GRID2: variants seen among roughly 807,000 people sequenced by gnomAD.
GRID2 encodes glutamate ionotropic receptor delta type subunit 2, also known as glutamate receptor ionotropic, delta-2.
A neutral mutation model predicts 114.8 loss-of-function variants in GRID2; 33 were observed. The ratio of observed to expected loss-of-function variants is 0.29; its 90% CI spans 0.22 to 0.38. The LOEUF (loss-of-function observed/expected upper bound fraction) is 0.38, where lower values mean the gene tolerates loss of function less well. Ranked by LOEUF, GRID2 falls within the 10% of genes least tolerant of loss-of-function variation. The pLI, the probability that GRID2 is intolerant of heterozygous loss-of-function variation, is 1.00. For missense variants in GRID2, 1,184 were observed against 1,257.7 expected, an observed-to-expected ratio of 0.94 and a Z score of 0.89; for synonymous variants, 505 against 449.9, an observed-to-expected ratio of 1.12 and a Z score of -1.55.
chr4:92,779,185 AAT>A (rs1738947253), intron 2 of GRID2, among the ~76,000 whole-genome samples: 2 of 118,506 alleles, frequency 1.7e-5, no homozygotes, highest in Non-Finnish European at 3.4e-5. Flanking sequence ...GTAGTAAGTA[AAT>A]GTGTGTGTGT....
intron 14 of GRID2, among the ~76,000 whole-genome samples, chr4:93,706,329 A>G (rs1274326777): frequency 6.6e-6 from 1 of 152,004 alleles, no homozygotes; most frequent in Non-Finnish European, 1.5e-5. Context: ...ATGTCTTTCC[A>G]TTTTTTTACA....
rs542306416 is a variant in GRID2 at position 93,557,649 on chromosome 4, A to G, written c.2193+42238A>G. Among the ~76,000 whole-genome samples the G allele has an allele frequency of 1.2e-4, 18 of 152,350 alleles. 1 individual carries two copies. The highest frequency in any genetic ancestry group is 1.2e-3 in the Admixed American group (18 of 15,308). On this transcript the variant is annotated intron_variant, in intron 13 of 15. Transcript: ENST00000282020. The stretch of plus-strand genomic sequence containing the variant: ...CACACAATAATATTGGGAGACTTTA[A>G]CACCCCACTGTCAGTATTAGACACA...
At chr4:93,074,050 A>C (rs959147528) in intron 2 of GRID2, among the ~76,000 whole-genome samples, 4 of 152,240 alleles carry the variant, frequency 2.6e-5, no homozygotes, top group Non-Finnish European at 4.4e-5. Context: ...AACCTGAGGG[A>C]GAAAAAGAAA....
chr4:93,183,258 C>T (rs1329389779), intron 4 of GRID2, among the ~76,000 whole-genome samples: 1 of 152,044 alleles, frequency 6.6e-6, no homozygotes, highest in Non-Finnish European at 1.5e-5. Flanking sequence ...TCTAACTTCA[C>T]AAAATGTTTG....
At chr4:93,164,056 C>T (rs547811667) in intron 4 of GRID2, among the ~76,000 whole-genome samples, 1 of 152,002 alleles carries the variant, frequency 6.6e-6, no homozygotes, top group East Asian at 1.9e-4. Flanking sequence ...GTTCATCACA[C>T]GTGAACTTGG....
At chr4:92,557,665 A>G (rs1398500107) in intron 1 of GRID2, among the ~76,000 whole-genome samples, 3 of 149,446 alleles carry the variant, frequency 2.0e-5, no homozygotes. Flanking sequence ...ATATATAACC[A>G]AACTGTCGAT....
intron 4 of GRID2, among the ~76,000 whole-genome samples, chr4:93,172,695 C>G (rs372115872): frequency 4.6e-5 from 7 of 151,986 alleles, no homozygotes; most frequent in Admixed American, 1.3e-4. Context: ...TGGGTTGATT[C>G]CAAAACAACT....
chr4:93,139,735 A>AACACACAC (rs70942952), intron 4 of GRID2, among the ~76,000 whole-genome samples: 9 of 147,896 alleles, frequency 6.1e-5, no homozygotes, highest in African/African-American at 2.0e-4. Context: ...GTACTTTTGA[A>AACACACAC]ACACACACAC....
At chr4:93,034,986 G>A (rs985391647) in intron 2 of GRID2, among the ~76,000 whole-genome samples, 1 of 151,882 alleles carries the variant, frequency 6.6e-6, no homozygotes. Flanking sequence ...TCCAGTACAC[G>A]ACTACATTAA....
intron 15 of GRID2, 24 bp downstream of exon 15, chr4:93,769,474 C>G (rs981967106): frequency 9.9e-6 from 16 of 1,611,458 alleles, no homozygotes; most frequent in Non-Finnish European, 1.7e-6. Flanking sequence ...AGATTTGGCT[C>G]TAAATTGAAT....
At chr4:92,706,475 A>C (rs937259054) in intron 2 of GRID2, among the ~76,000 whole-genome samples, 1 of 152,126 alleles carries the variant, frequency 6.6e-6, no homozygotes, top group Admixed American at 6.6e-5. Context: ...ATCCAAATGT[A>C]TGAGTCACAC....
At chr4:93,581,993 T>C (rs964334931) in intron 13 of GRID2, among the ~76,000 whole-genome samples, 12 of 152,214 alleles carry the variant, frequency 7.9e-5, no homozygotes, top group African/African-American at 2.9e-4. Flanking sequence ...TCTCTGCATA[T>C]TTTGTGCTCC....
intron 2 of GRID2, among the ~76,000 whole-genome samples, chr4:92,652,823 A>G (rs1312562407): frequency 7.2e-6 from 1 of 139,250 alleles, no homozygotes; most frequent in Non-Finnish European, 1.5e-5. Context: ...ATATATATAT[A>G]AATATATATA....
chr4:92,653,389 G>A (rs1003742399), intron 2 of GRID2, among the ~76,000 whole-genome samples: 47 of 150,668 alleles, frequency 3.1e-4, no homozygotes, highest in African/African-American at 9.5e-4. Context: ...GAGAAATTTC[G>A]GTTACATACA....
intron 1 of GRID2, among the ~76,000 whole-genome samples, chr4:92,541,675 A>C (rs1253324491): frequency 1.3e-5 from 2 of 152,164 alleles, no homozygotes. Context: ...AATAAAAGAA[A>C]ATATTGTTTT....
chr4:93,412,735 C>T (rs1007333687), intron 9 of GRID2, among the ~76,000 whole-genome samples: 4 of 152,082 alleles, frequency 2.6e-5, no homozygotes, highest in African/African-American at 9.7e-5. Flanking sequence ...TGTCTTAATG[C>T]TCTCCCTCCC....
At chr4:93,186,687 G>T (rs543363878) in intron 4 of GRID2, among the ~76,000 whole-genome samples, 19 of 151,976 alleles carry the variant, frequency 1.3e-4, no homozygotes, top group African/African-American at 4.6e-4. Context: ...CCTAGATACT[G>T]ATATCTATTG....
At chr4:93,162,970 G>C (rs142214004) in intron 4 of GRID2, among the ~76,000 whole-genome samples, 7 of 151,992 alleles carry the variant, frequency 4.6e-5, no homozygotes, top group Non-Finnish European at 8.8e-5. Flanking sequence ...ATTTTCTAGA[G>C]CATAATAGTT....
chr4:93,206,451 T>C (rs1284751609), intron 4 of GRID2, among the ~76,000 whole-genome samples: 2 of 152,100 alleles, frequency 1.3e-5, no homozygotes, highest in African/African-American at 2.4e-5. Flanking sequence ...GTATTATTGC[T>C]AAAAACAACA....
Sources: allele counts gnomAD v4.1 joint callset (sites outside exome capture counted in the v4.1 genomes callset), GRCh38; gene constraint gnomAD v4.1.1; transcripts MANE v1.5; gene names NCBI Gene and HGNC (gene_info 2026-07-23, HGNC 2026-07-21).